STK10: variants seen among roughly 807,000 people sequenced by gnomAD.
STK10 encodes serine/threonine kinase 10, also known as serine/threonine-protein kinase 10.
A neutral mutation model predicts 113.8 loss-of-function variants in STK10; 78 were observed. The ratio of observed to expected loss-of-function variants is 0.69; its 90% CI spans 0.57 to 0.83. The LOEUF is 0.83. Among genes scored for constraint, STK10 ranks in the 40% least tolerant of loss-of-function variants. STK10 has a pLI of 0.00. For synonymous variants in STK10, 465 were observed against 494.7 expected (o/e 0.94, Z 0.80); for missense variants, 1,109 against 1,280.1 (o/e 0.87, Z 2.04).
At chr5:172,182,705 C>A (rs549205285) in intron 1 of STK10, among the ~76,000 whole-genome samples, 1 of 151,834 alleles carries the variant, frequency 6.6e-6, no homozygotes, top group Admixed American at 6.6e-5. Context: ...AGGCGCCCAC[C>A]ACCACGCCTG....
chr5:172,069,115 A>C (rs996573438), intron 12 of STK10, among the ~76,000 whole-genome samples: 7 of 152,054 alleles, frequency 4.6e-5, no homozygotes, highest in Non-Finnish European at 2.9e-5. Context: ...AATACTAAAA[A>C]TATTCAAATA....
At chr5:172,081,789 A>G (rs574612010) in intron 12 of STK10, among the ~76,000 whole-genome samples, 1 of 152,116 alleles carries the variant, frequency 6.6e-6, no homozygotes, top group East Asian at 1.9e-4. Context: ...TCCTTCCTCC[A>G]CAGAGGGAGG....
chr5:172,090,212 G>A lies in STK10; in HGVS notation c.1685+20C>T, dbSNP rs1451707920. On this transcript the variant is annotated intron_variant, in intron 10 of 18. Transcript: ENST00000176763. ...TAGCCCCACCCTGTTACCACCATTG[G>A]TGGCCCTTCCCAGGCTTGCCTGAGA... is the stretch of plus-strand genomic sequence containing the variant. The A allele has an allele frequency of 1.2e-6, 2 of 1,613,256 alleles. No individual in the cohort carries two copies. The highest frequency in any genetic ancestry group is 2.2e-5 in the South Asian group (2 of 90,966).
At chr5:172,079,468 G>A (rs886606995) in intron 12 of STK10, among the ~76,000 whole-genome samples, 2 of 151,952 alleles carry the variant, frequency 1.3e-5, no homozygotes, top group Non-Finnish European at 2.9e-5. Flanking sequence ...TGTTTTATTT[G>A]TTCAATATTG....
intron 9 of STK10, among the ~76,000 whole-genome samples, chr5:172,090,606 C>A (rs577866780): frequency 1.6e-4 from 24 of 152,246 alleles, no homozygotes; most frequent in Non-Finnish European, 2.8e-4. Flanking sequence ...ACCTTGCTGC[C>A]AGCACCTCTC....
chr5:172,046,356 C>A (rs76979306), intron 18 of STK10, among the ~76,000 whole-genome samples: 562 of 123,424 alleles, frequency 4.6e-3, no homozygotes, highest in Admixed American at 6.8e-3. Flanking sequence ...GACTCTGTCT[C>A]AAAAAAAAAA....
chr5:172,152,511 T>C (rs1770257613), intron 2 of STK10, among the ~76,000 whole-genome samples: 1 of 152,190 alleles, frequency 6.6e-6, no homozygotes, highest in South Asian at 2.1e-4. Flanking sequence ...TTTTGGGCCC[T>C]GGGAGTCATC....
At chr5:172,145,583 A>G (rs1770069457) in intron 2 of STK10, among the ~76,000 whole-genome samples, 1 of 152,228 alleles carries the variant, frequency 6.6e-6, no homozygotes. Context: ...GTCAAGGGAC[A>G]TATGTCTCCA....
At chr5:172,103,798 G>A (rs1294326677) in intron 7 of STK10, among the ~76,000 whole-genome samples, 1 of 151,862 alleles carries the variant, frequency 6.6e-6, no homozygotes, top group Non-Finnish European at 1.5e-5. Flanking sequence ...AAGCATTCCT[G>A]GAGCACTGTG....
intron 13 of STK10, among the ~76,000 whole-genome samples, chr5:172,062,738 AG>A (rs1184731557): frequency 6.6e-6 from 1 of 152,228 alleles, no homozygotes; most frequent in African/African-American, 2.4e-5. Context: ...CAAGGGTTGG[AG>A]GAGAAGAAAT....
At chr5:172,046,469 C>T (rs566031928) in intron 18 of STK10, among the ~76,000 whole-genome samples, 30 of 151,984 alleles carry the variant, frequency 2.0e-4, no homozygotes, top group Non-Finnish European at 4.0e-4. Flanking sequence ...CTAGGAATAC[C>T]AACAATTTAA....
chr5:172,132,713 T>G (rs1027169813), intron 2 of STK10, among the ~76,000 whole-genome samples: 1 of 152,096 alleles, frequency 6.6e-6, no homozygotes, highest in Admixed American at 6.6e-5. Flanking sequence ...ATAAACTGAG[T>G]GTCTACCAGG....
Position 172,096,465 on chromosome 5 carries a change from C to A in STK10, c.966G>T (p.Arg322=), listed in dbSNP as rs1460580014. Residue 322 remains arginine (R), a synonymous_variant, in exon 8 of 19, where the codon CGG becomes CGT. Coordinates refer to ENST00000176763, the MANE Select transcript of STK10 (RefSeq NM_005990.4). ...AEVMEEIEDG[R]DEGEEEDAVD... Reference sequence around the variant, plus strand: ...CGGCGTCCTCCTCTTCCCCCTCATCCCGGCCGTCTTCGATCTCTTCCATCA... The same window carrying A: ...CGGCGTCCTCCTCTTCCCCCTCATCACGGCCGTCTTCGATCTCTTCCATCA... The A allele has an allele frequency of 1.3e-5, 21 of 1,613,394 alleles. No homozygotes were observed. The highest frequency in any genetic ancestry group is 1.4e-5 in the Non-Finnish European group (16 of 1,180,036).
intron 2 of STK10, among the ~76,000 whole-genome samples, chr5:172,140,257 G>A (rs186633282): frequency 6.6e-5 from 10 of 152,340 alleles, no homozygotes; most frequent in African/African-American, 2.4e-4. Context: ...TCTTACACCT[G>A]TAAAAATGGC....
At chr5:172,049,360 G>C (rs558186639) in intron 18 of STK10, among the ~76,000 whole-genome samples, 1 of 152,236 alleles carries the variant, frequency 6.6e-6, no homozygotes, top group South Asian at 2.1e-4. Context: ...GCCTCCGTGG[G>C]GGAGGCCTGA....
At chr5:172,066,718 G>C (rs1310020257) in intron 12 of STK10, among the ~76,000 whole-genome samples, 1 of 152,144 alleles carries the variant, frequency 6.6e-6, no homozygotes, top group African/African-American at 2.4e-5. Flanking sequence ...CTCAGGCGGC[G>C]TAGGTTGCAG....
intron 1 of STK10, among the ~76,000 whole-genome samples, chr5:172,180,996 A>C (rs752369975): frequency 1.2e-4 from 18 of 152,364 alleles, no homozygotes; most frequent in Non-Finnish European, 1.9e-4. Flanking sequence ...TGAACGCCGC[A>C]GATGAATGCA....
chr5:172,149,983 G>T (rs1770180766), intron 2 of STK10, among the ~76,000 whole-genome samples: 1 of 144,762 alleles, frequency 6.9e-6, no homozygotes, highest in Non-Finnish European at 1.5e-5. Context: ...GGAGGCAGAG[G>T]TTGCAGGGAG....
chr5:172,145,762 A>G (rs550788213), intron 2 of STK10, among the ~76,000 whole-genome samples: 14 of 152,314 alleles, frequency 9.2e-5, no homozygotes, highest in Admixed American at 6.5e-4. Flanking sequence ...GTGATGGTAG[A>G]GGCTGCCTCC....
Sources: gnomAD v4.1 joint callset for allele counts (sites outside exome capture counted in the v4.1 genomes callset) on GRCh38, gnomAD v4.1.1 for gene constraint, MANE v1.5 for transcripts, NCBI Gene and HGNC (gene_info 2026-07-23, HGNC 2026-07-21) for gene names.